Variants in ADCY8 observed in about 807,000 individuals in gnomAD.
The protein encoded by ADCY8 is adenylate cyclase type 8.
Under a neutral mutation model 119.7 loss-of-function variants are expected in ADCY8, and 51 were observed. That is an observed-to-expected ratio of 0.43 (90% CI 0.34 to 0.54). The LOEUF (loss-of-function observed/expected upper bound fraction) is 0.54. Ranked by LOEUF, ADCY8 falls within the 20% of genes least tolerant of loss-of-function variation. The pLI is 0.03. For missense variants in ADCY8, 1,383 were observed against 1,598.8 expected (o/e 0.87, Z 2.30); for synonymous variants, 665 against 651.0 (o/e 1.02, Z -0.33).
chr8:130,942,811 T>G (rs1048689558), intron 4 of ADCY8, among the ~76,000 whole-genome samples: 4 of 152,238 alleles, frequency 2.6e-5, no homozygotes, highest in Admixed American at 2.6e-4. Flanking sequence ...AATGTCCATC[T>G]CCTTTAATCT....
chr8:130,898,869 G>A (rs1419786750), intron 7 of ADCY8, among the ~76,000 whole-genome samples: 5 of 152,032 alleles, frequency 3.3e-5, no homozygotes, highest in South Asian at 2.1e-4. Context: ...CTCTTGTCCC[G>A]ACAGTCCATT....
rs538080234 is a variant in ADCY8 at position 130,920,417 on chromosome 8, A to G, written c.1482-10551T>C. On this transcript the variant is annotated intron_variant, in intron 5 of 17. Transcript: ENST00000286355. The stretch of plus-strand genomic sequence containing the variant: ...CTCCACCGCATGTGGGGCTCCTGGT[A>G]TTTCAAAGGGAAAGACAGCTGTGGT... 2.0e-5 allele frequency among the ~76,000 whole-genome samples: 3 copies of G among 152,304 alleles called. No individual in the cohort carries two copies. The South Asian group carries it at 6.2e-4, about 32-fold the overall frequency.
At chr8:131,019,200 A>G (rs1272064508) in intron 1 of ADCY8, among the ~76,000 whole-genome samples, 2 of 152,242 alleles carry the variant, frequency 1.3e-5, no homozygotes, top group Non-Finnish European at 2.9e-5. Flanking sequence ...GTAGCTAACT[A>G]TATCAGGTCA....
At chr8:130,990,828 GCTTCTTCACTCCACCTTAT>G in intron 1 of ADCY8, 1 of 232,714 alleles carries the variant, frequency 4.3e-6, no homozygotes, top group Non-Finnish European at 8.3e-6. Flanking sequence ...AATCTGGTTG[GCTTCTTCACTCCACCTTAT>G]CTGTCTCCCC....
chr8:130,785,065 G>A (rs772836739), intron 16 of ADCY8, among the ~76,000 whole-genome samples: 3 of 152,172 alleles, frequency 2.0e-5, no homozygotes, highest in Non-Finnish European at 4.4e-5. Flanking sequence ...TAGGAAAAAA[G>A]AGGCTAGTAT....
intron 8 of ADCY8, among the ~76,000 whole-genome samples, chr8:130,870,704 T>A (rs1818323874): frequency 6.6e-6 from 1 of 152,092 alleles, no homozygotes; most frequent in Admixed American, 6.5e-5. Context: ...TTTATGAAGG[T>A]TTTTTACTGA....
At chr8:130,875,912 A>G (rs1041906135) in intron 8 of ADCY8, among the ~76,000 whole-genome samples, 13 of 152,248 alleles carry the variant, frequency 8.5e-5, no homozygotes, top group East Asian at 1.9e-4. Flanking sequence ...CATTAAATGA[A>G]TGTTTTTGAA....
At chr8:130,823,981 C>T (rs1816596734) in intron 12 of ADCY8, among the ~76,000 whole-genome samples, 1 of 152,092 alleles carries the variant, frequency 6.6e-6, no homozygotes, top group Non-Finnish European at 1.5e-5. Flanking sequence ...ATTATGTGCA[C>T]CACACATAAT....
chr8:130,951,956 C>T lies in ADCY8; in HGVS notation c.1153G>A (p.Glu385Lys). 1 of 1,614,032 alleles carries T rather than the reference C, an allele frequency of 6.2e-7. No individual in the cohort carries two copies. The highest frequency in any genetic ancestry group is 8.5e-7 in the Non-Finnish European group (1 of 1,179,988). ...ACATTGGTCATGTCGTTGATCATTT[C>T]CAGGACAACAAACCGGGGGAGCACA... Reference protein sequence around the residue: ...LSVLPRFVVLEMINDMTNVED... With the variant: ...LSVLPRFVVLKMINDMTNVED... The change falls in exon 3 of 18, where the codon GAA becomes AAA. Residue 385 changes from glutamate to lysine, a missense_variant. Physicochemically the swap from Glu to Lys is moderately conservative, Grantham distance 56. Coordinates refer to ENST00000286355, the MANE Select transcript of ADCY8 (RefSeq NM_001115.3).
At chr8:130,975,998 T>C (rs1822060646) in intron 2 of ADCY8, among the ~76,000 whole-genome samples, 1 of 149,742 alleles carries the variant, frequency 6.7e-6, no homozygotes, top group African/African-American at 2.5e-5. Context: ...TAAAAGCTAC[T>C]AAAATATTAC....
intron 15 of ADCY8, among the ~76,000 whole-genome samples, chr8:130,797,635 A>C (rs756107565): frequency 3.3e-5 from 5 of 152,326 alleles, no homozygotes; most frequent in Admixed American, 2.6e-4. Flanking sequence ...ATGGCCTAGC[A>C]TAGAGGACAG....
chr8:130,797,422 A>C (rs150354805), intron 15 of ADCY8, among the ~76,000 whole-genome samples: 4 of 152,320 alleles, frequency 2.6e-5, no homozygotes, highest in African/African-American at 9.6e-5. Flanking sequence ...TAATTAAAAA[A>C]ATTGGAAGTA....
At chr8:130,857,469 C>T (rs12540966) in intron 9 of ADCY8, among the ~76,000 whole-genome samples, 60,473 of 151,946 alleles carry the variant, frequency 0.4, 12,518 homozygotes, top group African/African-American at 0.51. Context: ...TTCCTTACAA[C>T]GTATTTATCG....
At chr8:130,897,636 C>T (rs1819438991) in intron 7 of ADCY8, among the ~76,000 whole-genome samples, 2 of 2,030 alleles carry the variant, frequency 9.9e-4, no homozygotes, top group African/African-American at 3.5e-3. Flanking sequence ...TCTAAATAGC[C>T]GTGGTGAGCA....
intron 2 of ADCY8, among the ~76,000 whole-genome samples, chr8:130,973,015 C>T (rs1821969529): frequency 6.6e-6 from 1 of 152,118 alleles, no homozygotes; most frequent in African/African-American, 2.4e-5. Context: ...TTCTTTTACA[C>T]TTTAAACCCT....
At chr8:131,000,732 C>T (rs775898103) in intron 1 of ADCY8, among the ~76,000 whole-genome samples, 10 of 152,060 alleles carry the variant, frequency 6.6e-5, no homozygotes, top group South Asian at 2.1e-4. Flanking sequence ...ACTAACACAA[C>T]GACAGTTCAC....
intron 1 of ADCY8, among the ~76,000 whole-genome samples, chr8:131,035,230 AG>A (rs1824113659): frequency 6.6e-6 from 1 of 152,150 alleles, no homozygotes; most frequent in Non-Finnish European, 1.5e-5. Context: ...TTCATAAGAA[AG>A]AAACGATTGT....
intron 2 of ADCY8, among the ~76,000 whole-genome samples, chr8:130,955,326 C>G (rs192589421): frequency 6.6e-6 from 1 of 152,066 alleles, no homozygotes; most frequent in South Asian, 2.1e-4. Context: ...AATGAAGTCT[C>G]GGAGAAGTAG....
chr8:130,930,782 G>T (rs1820608297), intron 5 of ADCY8, among the ~76,000 whole-genome samples: 1 of 151,876 alleles, frequency 6.6e-6, no homozygotes, highest in African/African-American at 2.4e-5. Flanking sequence ...ATTAATGTGG[G>T]TATTATCATT....
Sources: gnomAD v4.1 joint callset for allele counts (sites outside exome capture counted in the v4.1 genomes callset) on GRCh38, gnomAD v4.1.1 for gene constraint, MANE v1.5 for transcripts, NCBI Gene and HGNC (gene_info 2026-07-23, HGNC 2026-07-21) for gene names.